GAL3ST1: variants seen among roughly 807,000 people sequenced by gnomAD.
The protein encoded by GAL3ST1 is galactosylceramide sulfotransferase.
A neutral mutation model predicts 25.0 loss-of-function variants in GAL3ST1; 13 were observed. The ratio of observed to expected loss-of-function variants is 0.52; its 90% CI spans 0.34 to 0.83. GAL3ST1 has a LOEUF of 0.83. Among genes scored for constraint, GAL3ST1 ranks in the 40% least tolerant of loss-of-function variants. The pLI is 0.02. For synonymous variants in GAL3ST1, 274 were observed against 277.8 expected (o/e 0.99, Z 0.14); for missense variants, 474 against 613.6 (o/e 0.77, Z 2.40).
chr22:30,555,157 G>T lies in GAL3ST1; in HGVS notation c.1068C>A (p.Ala356=). ...IDGGHAVDAA[A]IQDEAMQPWQ... is the part of the protein sequence containing the mutation. ...AGGGCTGCATGGCCTCGTCCTGGATGGCGGCGGCGTCCACGGCGTGGCCCC... is the reference window on the plus strand; with the variant it reads ...AGGGCTGCATGGCCTCGTCCTGGATTGCGGCGGCGTCCACGGCGTGGCCCC... Residue 356 remains alanine, a synonymous_variant, in exon 4 of 4, where the codon GCC becomes GCA. Coordinates refer to ENST00000406361, the MANE Select transcript of GAL3ST1 (RefSeq NM_001318104.2). This position sits in a 1 kb window ranked among gnomAD's most constrained non-coding sequence, Gnocchi z 8.6. 1 of 1,606,040 alleles carries T rather than the reference G, an allele frequency of 6.2e-7. No individual in the cohort carries two copies. The highest frequency in any genetic ancestry group is 1.1e-5 in the South Asian group (1 of 90,954).
chr22:30,554,954 C>A lies in GAL3ST1; in HGVS notation c.1271G>T (p.Ter424LeuextTer55). ...WKFIRDFLRW* is the reference protein window; with the variant it reads ...WKFIRDFLRWL ...GGCAAGCCGCTGGGCGGTGGGACGT[C>A]ACCACCGCAGGAAATCGCGAATGAA... The change falls in exon 4 of 4, where the codon TGA becomes TTA. Residue 424 changes from the stop codon to leucine, a stop_lost. Transcript: ENST00000406361. 6.4e-7 allele frequency: 1 copy of A among 1,562,458 alleles called. No homozygotes were observed. Among genetic ancestry groups the A allele is most frequent in the South Asian group, 1.2e-5 (1 of 84,560 alleles).
intron 3 of GAL3ST1, 76 bp downstream of exon 3, chr22:30,557,186 T>C: frequency 6.7e-7 from 1 of 1,482,578 alleles, no homozygotes; most frequent in Non-Finnish European, 9.3e-7. Flanking sequence ...GGCCCTGTGG[T>C]AATTACAGGG....
chr22:30,562,457 C>CA (rs1436002049), intron 1 of GAL3ST1, among the ~76,000 whole-genome samples: 1 of 152,178 alleles, frequency 6.6e-6, no homozygotes, highest in Non-Finnish European at 1.5e-5. Flanking sequence ...TGTAAGCCAC[C>CA]ATGCCATGCC....
Position 30,555,871 on chromosome 22 carries a change from C to A in GAL3ST1, c.354G>T (p.Pro118=), listed in dbSNP as rs756795680. The part of the protein sequence containing the change: ...FPNGRNDFDY[P]TFFARSLVQD... The stretch of plus-strand genomic sequence containing the variant: ...GCACCAGGCTGCGGGCGAAGAAGGT[C>A]GGGTAGTCGAAGTCATTGCGGCCGT... The change falls in exon 4 of 4, where the codon CCG becomes CCT. Residue 118 remains proline (P), a synonymous_variant. Transcript: ENST00000406361. This position sits in a 1 kb window ranked among gnomAD's most constrained non-coding sequence, Gnocchi z 8.6. The A allele has an allele frequency of 6.2e-7, 1 of 1,614,128 alleles. No individual in the cohort carries two copies. The highest frequency in any genetic ancestry group is 1.7e-5 in the Admixed American group (1 of 60,026).
In GAL3ST1 at chr22:30,554,726, G is replaced by C. The variant is rs984077944; in HGVS notation, c.*227C>G. The stretch of plus-strand genomic sequence containing the variant: ...GAACATTCTTTATCGGGGAGGGAAA[G>C]GGGTTTAATAAAAACTGGTATAATT... On this transcript the variant is annotated 3_prime_UTR_variant, in exon 4 of 4. Transcript: ENST00000406361. 2.4e-6 allele frequency: 1 copy of C among 417,786 alleles called. No homozygotes were observed. The highest frequency in any genetic ancestry group is 3.6e-5 in the East Asian group (1 of 27,558). The allele number at this position is 417,786 out of a possible 1,614,324, so 25.9% of individuals were successfully genotyped here.
intron 1 of GAL3ST1, among the ~76,000 whole-genome samples, chr22:30,561,075 G>A (rs1019541438): frequency 9.2e-5 from 14 of 152,192 alleles, no homozygotes; most frequent in African/African-American, 3.4e-4. Flanking sequence ...CTCTCGAGTA[G>A]CTGGGACTAC....
rs1448736373 is a variant in GAL3ST1, at chr22:30,554,877, G to A, written c.*76C>T. On this transcript the variant is annotated 3_prime_UTR_variant, in exon 4 of 4. Coordinates refer to ENST00000406361, the MANE Select transcript of GAL3ST1 (RefSeq NM_001318104.2). ...GTGGCACCAGGAGGGGGCTGGGGGC[G>A]GCCAGCACCAGCGGCGTCCTGCTCA... 2.5e-6 allele frequency: 3 copies of A among 1,212,050 alleles called. No individual in the cohort carries two copies. Among genetic ancestry groups the A allele is most frequent in the South Asian group, 1.6e-5 (1 of 62,934 alleles). 75.1% of individuals were successfully genotyped at this position (1,212,050 alleles called of 1,614,324 possible).
intron 1 of GAL3ST1, among the ~76,000 whole-genome samples, chr22:30,565,396 G>A (rs574516757): frequency 2.0e-5 from 3 of 152,332 alleles, no homozygotes; most frequent in South Asian, 2.1e-4. Flanking sequence ...GGCAGACAGA[G>A]CTGGAGTACA....
intron 1 of GAL3ST1, among the ~76,000 whole-genome samples, chr22:30,573,695 CT>C (rs1244296493): frequency 1.3e-5 from 2 of 152,260 alleles, no homozygotes; most frequent in Admixed American, 1.3e-4. Flanking sequence ...TTCCTTCCCC[CT>C]GGTGTGGGTT....
intron 1 of GAL3ST1, among the ~76,000 whole-genome samples, chr22:30,568,946 G>A (rs1331586038): frequency 1.3e-5 from 2 of 152,064 alleles, no homozygotes; most frequent in Non-Finnish European, 2.9e-5. Flanking sequence ...CGTGATGGCA[G>A]GCGCATGTAA....
chr22:30,563,847 C>T (rs1255067119), intron 1 of GAL3ST1, among the ~76,000 whole-genome samples: 4 of 149,732 alleles, frequency 2.7e-5, no homozygotes, highest in African/African-American at 4.9e-5. Flanking sequence ...ACCCAGGAGG[C>T]GGAGCTTGCA....
chr22:30,571,862 T>TCAAAAA (rs573089561), intron 1 of GAL3ST1, among the ~76,000 whole-genome samples: 79 of 152,206 alleles, frequency 5.2e-4, no homozygotes, highest in African/African-American at 1.2e-3. Context: ...AGACTCCGTC[T>TCAAAAA]CAAAAACAAA....
Position 30,554,807 on chromosome 22 carries a change from T to G in GAL3ST1, c.*146A>C. 1.7e-6 allele frequency: 1 copy of G among 589,202 alleles called. No homozygotes were observed. Among genetic ancestry groups the G allele is most frequent in the South Asian group, 2.4e-5 (1 of 42,424 alleles). The allele number at this position is 589,202 out of a possible 1,614,324, so 36.5% of individuals were successfully genotyped here. A position where few individuals can be genotyped will look rare whatever the true frequency, so the allele number is the denominator to read the frequency against. ...CTGTGTTCATGGGCCCAGTCTTGGC[T>G]GGCTGCCTCCCCCCAGGGAGCCCCC... On this transcript the variant is annotated 3_prime_UTR_variant, in exon 4 of 4. Transcript: ENST00000406361.
intron 1 of GAL3ST1, among the ~76,000 whole-genome samples, chr22:30,573,643 CA>C (rs1372428681): frequency 6.6e-6 from 1 of 152,252 alleles, no homozygotes; most frequent in Non-Finnish European, 1.5e-5. Flanking sequence ...GTCACCGCGG[CA>C]GCCCGGGGAT....
intron 1 of GAL3ST1, among the ~76,000 whole-genome samples, chr22:30,565,701 T>TC (rs897181503): frequency 6.6e-6 from 1 of 152,124 alleles, no homozygotes; most frequent in Non-Finnish European, 1.5e-5. Flanking sequence ...ATGCAGATCT[T>TC]CCCCAAGGCC....
intron 1 of GAL3ST1, among the ~76,000 whole-genome samples, chr22:30,568,403 T>C (rs1281120548): frequency 6.6e-6 from 1 of 152,174 alleles, no homozygotes; most frequent in Non-Finnish European, 1.5e-5. Flanking sequence ...TGAGGTTAAG[T>C]GGGTGGACCT....
chr22:30,557,787 C>CT (rs10711898), intron 2 of GAL3ST1: 14 of 150,612 alleles, frequency 9.3e-5, no homozygotes, highest in South Asian at 8.5e-4. Context: ...TACTTATTAC[C>CT]TTTTTTTTTT....
Position 30,555,177 on chromosome 22 carries a change from G to A in GAL3ST1, c.1048C>T (p.His350Tyr). Residue 350 changes from histidine (H) to tyrosine (Y), a missense_variant, in exon 4 of 4, where the codon CAC becomes TAC. His to Tyr is a moderately conservative substitution (Grantham distance 83, BLOSUM62 2). Around this residue, in one of 2 missense-constraint regions of GAL3ST1, gnomAD observed 359 missense variants for 504.4 expected, o/e 0.71. Coordinates refer to ENST00000406361, the MANE Select transcript of GAL3ST1 (RefSeq NM_001318104.2). This position sits in a 1 kb window ranked among gnomAD's most constrained non-coding sequence, Gnocchi z 8.6. ...TGGATGGCGGCGGCGTCCACGGCGTGGCCCCCGTCGATGCAGATGGTCCGC... is the reference window on the plus strand; with the variant it reads ...TGGATGGCGGCGGCGTCCACGGCGTAGCCCCCGTCGATGCAGATGGTCCGC... ...RMRTICIDGG[H>Y]AVDAAAIQDE... 1.2e-6 allele frequency: 2 copies of A among 1,601,948 alleles called. No individual in the cohort carries two copies. Among genetic ancestry groups the A allele is most frequent in the Non-Finnish European group, 1.7e-6 (2 of 1,176,418 alleles).
At chr22:30,573,485 C>T (rs1424249380) in intron 1 of GAL3ST1, among the ~76,000 whole-genome samples, 1 of 152,226 alleles carries the variant, frequency 6.6e-6, no homozygotes, top group Non-Finnish European at 1.5e-5. Context: ...CCAGGACTGC[C>T]CTCCTGTGCC....
Sources: allele counts gnomAD v4.1 joint callset (sites outside exome capture counted in the v4.1 genomes callset), GRCh38; gene constraint gnomAD v4.1.1; regional missense constraint gnomAD v4.1.1; non-coding constraint Gnocchi (gnomAD v3.1); transcripts MANE v1.5; gene names NCBI Gene and HGNC (gene_info 2026-07-23, HGNC 2026-07-21).